Variants in USP15 observed in about 807,000 individuals in gnomAD.
The protein encoded by USP15 is ubiquitin carboxyl-terminal hydrolase 15.
A neutral mutation model predicts 127.1 loss-of-function variants in USP15; 18 were observed. That is an observed-to-expected ratio of 0.14 (90% CI 0.10 to 0.21). The LOEUF (loss-of-function observed/expected upper bound fraction) is 0.21, where lower values mean the gene tolerates loss of function less well. Among genes scored for constraint, USP15 ranks in the 10% least tolerant of loss-of-function variants. The pLI, the probability that USP15 is intolerant of heterozygous loss-of-function variation, is 1.00. For missense variants in USP15, 805 were observed against 1,159.9 expected (o/e 0.69, Z 4.44); for synonymous variants, 364 against 393.7 (o/e 0.92, Z 0.89).
intron 6 of USP15, chr12:62,335,163 T>C (rs1392065406): frequency 6.5e-7 from 1 of 1,535,572 alleles, no homozygotes; most frequent in East Asian, 2.4e-5. Flanking sequence ...CTCCTTTTTC[T>C]AGAAAGCCAC....
rs1380897392 is a variant in USP15, at chr12:62,294,220, A to T, written c.131A>T (p.Tyr44Phe). The change falls in exon 2 of 22, where the codon TAT becomes TTT. Residue 44 changes from tyrosine (Y) to phenylalanine (F), a missense_variant. Tyr to Phe is a conservative substitution (Grantham distance 22, BLOSUM62 3). Around this residue, in one of 11 missense-constraint regions of USP15, gnomAD observed 69 missense variants for 126.4 expected, o/e 0.55. Transcript: ENST00000280377. The stretch of plus-strand genomic sequence containing the variant: ...CGCTGGTTCAAACAGTGGAAAAAAT[A>T]TGTTGGCTTTGACAGTTGGGACAAA... ...DSRWFKQWKK[Y>F]VGFDSWDKYQ... is the part of the protein sequence containing the mutation. The T allele has an allele frequency of 6.2e-7, 1 of 1,613,548 alleles. No individual in the cohort carries two copies. Among genetic ancestry groups the T allele is most frequent in the Non-Finnish European group, 8.5e-7 (1 of 1,179,764 alleles).
At chr12:62,363,123 A>G (rs1250912655) in intron 8 of USP15, among the ~76,000 whole-genome samples, 5 of 152,156 alleles carry the variant, frequency 3.3e-5, no homozygotes, top group Admixed American at 6.5e-5. Context: ...GTTTCAGGCT[A>G]CTATCTTCTT....
rs549144632 is a variant in USP15 at position 62,352,394 on chromosome 12, A to AT, written c.771-2932dup. On this transcript the variant is annotated intron_variant, in intron 7 of 21. Coordinates refer to ENST00000280377, the MANE Select transcript of USP15 (RefSeq NM_001252078.2). Reference sequence around the variant, plus strand: ...TTTGCCTCAGTTATAATTTAAGTACATTTTTAAATATCTGTCAGATTGTCT... The same window carrying AT: ...TTTGCCTCAGTTATAATTTAAGTACATTTTTTAAATATCTGTCAGATTGTCT... Among the ~76,000 whole-genome samples the AT allele has an allele frequency of 6.6e-5, 10 of 152,100 alleles. No individual in the cohort carries two copies. In the South Asian group the frequency reaches 1.9e-3, roughly 28 times the overall value.
At chr12:62,392,018 A>G (rs1423087328) in intron 17 of USP15, 132 bp downstream of exon 17, 2 of 965,748 alleles carry the variant, frequency 2.1e-6, no homozygotes, top group Non-Finnish European at 1.5e-6. Context: ...AAAATTGGTC[A>G]TGAACTAGAA....
chr12:62,318,931 T>C (rs1049594589), intron 4 of USP15, among the ~76,000 whole-genome samples: 1 of 152,226 alleles, frequency 6.6e-6, no homozygotes, highest in African/African-American at 2.4e-5. Flanking sequence ...CACTTAACAC[T>C]GCTTCCATTG....
rs2068123079 is a variant in USP15 at position 62,414,988 on chromosome 12, C to CATATATGTACATATA, written c.*10614_*10628dup. 6.8e-6 allele frequency: 1 copy of CATATATGTACATATA among 147,786 alleles called. No individual in the cohort carries two copies. Among genetic ancestry groups the CATATATGTACATATA allele is most frequent in the South Asian group, 2.1e-4 (1 of 4,706 alleles). 9.2% of individuals were successfully genotyped at this position (147,786 alleles called of 1,614,324 possible). A position where few individuals can be genotyped will look rare whatever the true frequency, so the allele number is the denominator to read the frequency against. Reference sequence around the variant, plus strand: ...ACATATCATGTATATACATATATATCATATATGTACATATATATATATATA... The same window carrying CATATATGTACATATA: ...ACATATCATGTATATACATATATATCATATATGTACATATAATATATGTACATATATATATATATA... On this transcript the variant is annotated 3_prime_UTR_variant, in exon 22 of 22. Coordinates refer to ENST00000280377, the MANE Select transcript of USP15 (RefSeq NM_001252078.2).
Position 62,321,518 on chromosome 12 carries a change from C to T in USP15, c.530C>T (p.Thr177Ile). ...KIFSIPDEKE[T>I]RLWNKYMSNT... ...TTCAGTATTCCAGATGAAAAGGAGA[C>T]CAGATTGTGGAACAAATACATGAGT... is the stretch of plus-strand genomic sequence containing the variant. Residue 177 changes from threonine (T) to isoleucine (I), a missense_variant, in exon 5 of 22, where the codon ACC becomes ATC. This residue lies in a region of USP15 where 16 missense variants were observed against 40.8 expected (regional missense o/e 0.39). Transcript: ENST00000280377. The T allele has an allele frequency of 6.2e-7, 1 of 1,607,470 alleles. No individual in the cohort carries two copies. The highest frequency in any genetic ancestry group is 8.5e-7 in the Non-Finnish European group (1 of 1,176,398).
intron 1 of USP15, among the ~76,000 whole-genome samples, chr12:62,280,225 A>G (rs1206736623): frequency 6.6e-6 from 1 of 152,158 alleles, no homozygotes. Context: ...AGGCTTAGTA[A>G]TGAGGAAACT....
At chr12:62,366,449 G>A (rs1185400297) in intron 8 of USP15, among the ~76,000 whole-genome samples, 1 of 152,126 alleles carries the variant, frequency 6.6e-6, no homozygotes, top group Non-Finnish European at 1.5e-5. Flanking sequence ...GGAGATTTAG[G>A]GCTGAGACGA....
In USP15 at chr12:62,392,300, A is replaced by G; in HGVS notation, c.2333A>G (p.Tyr778Cys). Residue 778 changes from tyrosine (Y) to cysteine (C), a missense_variant, in exon 18 of 22, where the codon TAT (tyrosine) becomes TGT (cysteine). By Grantham distance (194) the Tyr-to-Cys change is radical. Transcript: ENST00000280377. ...EDFEKHESVEYKPPKKPFVKL... is the reference protein window; with the variant it reads ...EDFEKHESVECKPPKKPFVKL... Reference sequence around the variant, plus strand: ...TTTGAAAAACATGAAAGTGTGGAGTATAAACCTCCTAAAAAACCCTTTGTG... The same window carrying G: ...TTTGAAAAACATGAAAGTGTGGAGTGTAAACCTCCTAAAAAACCCTTTGTG... 1 of 1,606,534 alleles carries G rather than the reference A, an allele frequency of 6.2e-7. No individual in the cohort carries two copies.
chr12:62,403,870 G>A (rs1245241304), intron 21 of USP15, among the ~76,000 whole-genome samples: 1 of 151,830 alleles, frequency 6.6e-6, no homozygotes, highest in African/African-American at 2.4e-5. Flanking sequence ...CTTAAGAGAT[G>A]GTAGGAAAGA....
chr12:62,316,102 T>G (rs758191873), intron 4 of USP15, among the ~76,000 whole-genome samples: 4 of 152,020 alleles, frequency 2.6e-5, no homozygotes, highest in Middle Eastern at 3.2e-3. Flanking sequence ...CTGGCCAACA[T>G]GGTGAAACCC....
intron 1 of USP15, among the ~76,000 whole-genome samples, chr12:62,290,325 G>A (rs1016399112): frequency 6.6e-6 from 1 of 152,046 alleles, no homozygotes. Context: ...ATATATTTAG[G>A]ATTGTTATGT....
intron 8 of USP15, among the ~76,000 whole-genome samples, chr12:62,367,269 T>C (rs1410073201): frequency 6.6e-6 from 1 of 152,180 alleles, no homozygotes; most frequent in Admixed American, 6.5e-5. Context: ...TCTCACTCTG[T>C]CGCCCAGGCT....
intron 2 of USP15, among the ~76,000 whole-genome samples, chr12:62,300,514 A>G (rs977621833): frequency 1.3e-5 from 2 of 152,172 alleles, no homozygotes; most frequent in Non-Finnish European, 2.9e-5. Context: ...TTCAATCCTT[A>G]TTTTAAAGCT....
chr12:62,336,452 G>A (rs1450035099), intron 6 of USP15: 72 of 985,380 alleles, frequency 7.3e-5, no homozygotes, highest in Non-Finnish European at 8.2e-5. Context: ...AGCAAGTCTT[G>A]CAGATTCTGC....
At chr12:62,294,350 T>G in intron 2 of USP15, 44 bp downstream of exon 2, 1 of 1,583,406 alleles carries the variant, frequency 6.3e-7, no homozygotes, top group South Asian at 1.2e-5. Flanking sequence ...TGTGTTAAAT[T>G]TCATTATATA....
intron 5 of USP15, among the ~76,000 whole-genome samples, chr12:62,323,597 C>T (rs1162195854): frequency 6.6e-6 from 1 of 152,152 alleles, no homozygotes; most frequent in Non-Finnish European, 1.5e-5. Context: ...CACTGATTAG[C>T]CAACACCGCC....
At chr12:62,360,265 C>G (rs964305555) in intron 8 of USP15, among the ~76,000 whole-genome samples, 1 of 151,942 alleles carries the variant, frequency 6.6e-6, no homozygotes, top group Non-Finnish European at 1.5e-5. Flanking sequence ...TAATCAAAGA[C>G]TTATTCATTA....
Sources: allele counts gnomAD v4.1 joint callset (sites outside exome capture counted in the v4.1 genomes callset), GRCh38; gene constraint gnomAD v4.1.1; regional missense constraint gnomAD v4.1.1; transcripts MANE v1.5; gene names NCBI Gene and HGNC (gene_info 2026-07-23, HGNC 2026-07-21).